Variants in ANO3 observed in about 807,000 individuals in gnomAD.
The protein encoded by ANO3 is anoctamin-3.
ANO3 carries 99 observed loss-of-function variants against 144.8 expected under a neutral mutation model. The observed-to-expected ratio is 0.68, with a 90% confidence interval of 0.58 to 0.81. The LOEUF is 0.81. Ranked by LOEUF, ANO3 falls within the 30% of genes least tolerant of loss-of-function variation. The probability of loss-of-function intolerance (pLI) is 0.00; values close to 1 mark genes in which losing one functional copy is unlikely to be tolerated. For synonymous variants in ANO3, 414 were observed against 392.6 expected (o/e 1.05, Z -0.64); for missense variants, 905 against 1,202.2 (o/e 0.75, Z 3.66).
intron 26 of ANO3, among the ~76,000 whole-genome samples, chr11:26,658,369 T>A (rs1044233229): frequency 6.6e-6 from 1 of 152,116 alleles, no homozygotes; most frequent in African/African-American, 2.4e-5. Context: ...ATCCCAGAAC[T>A]TTGGGAGGCC....
chr11:26,510,977 T>C (rs1042105149), intron 5 of ANO3, among the ~76,000 whole-genome samples: 11 of 152,322 alleles, frequency 7.2e-5, no homozygotes, highest in Admixed American at 6.5e-4. Context: ...CAGTGTCCAT[T>C]TGTCTACTCT....
chr11:26,498,973 T>C (rs1861081005), intron 4 of ANO3, among the ~76,000 whole-genome samples: 1 of 151,968 alleles, frequency 6.6e-6, no homozygotes, highest in East Asian at 1.9e-4. Context: ...TGTCATATTC[T>C]ATTGCATGAC....
intron 5 of ANO3, among the ~76,000 whole-genome samples, chr11:26,508,997 C>T (rs1488475080): frequency 6.6e-6 from 1 of 151,272 alleles, no homozygotes; most frequent in Non-Finnish European, 1.5e-5. Context: ...TGCTAGGTGC[C>T]CCTCAGTAAA....
intron 3 of ANO3, among the ~76,000 whole-genome samples, chr11:26,457,240 A>T (rs1328409528): frequency 5.4e-3 from 14 of 2,590 alleles, no homozygotes; most frequent in East Asian, 0.33. Context: ...AAAAGAAATA[A>T]AAAAAAAACC....
intron 1 of ANO3, among the ~76,000 whole-genome samples, chr11:26,258,140 T>C (rs1305809870): frequency 6.6e-6 from 1 of 152,098 alleles, no homozygotes; most frequent in Admixed American, 6.6e-5. Flanking sequence ...CAGAGTAAAA[T>C]TGAGGTATTC....
chr11:26,387,990 G>T (rs1167587771), intron 1 of ANO3, among the ~76,000 whole-genome samples: 2 of 150,820 alleles, frequency 1.3e-5, no homozygotes, highest in Non-Finnish European at 2.9e-5. Context: ...TCTAGTTCCA[G>T]ATTATGGTCA....
intron 22 of ANO3, among the ~76,000 whole-genome samples, chr11:26,642,687 C>G (rs1853206196): frequency 6.6e-6 from 1 of 152,142 alleles, no homozygotes; most frequent in African/African-American, 2.4e-5. Flanking sequence ...ACCTACCATT[C>G]TACTCACGCA....
At position 26,194,439 on chromosome 11, in the gene ANO3, G is replaced by GGTGT. The variant is rs1161631402; in HGVS notation, c.154+5154_154+5157dup. ...TTTTTCATCTTTGTGGGTACATAGT[G>GGTGT]GTGTGTGTGTGTGTGTGTGTGTGTG... On this transcript the variant is annotated intron_variant, in intron 1 of 27. Transcript: ENST00000672621. Among the ~76,000 whole-genome samples, 136 of 60,598 alleles carry GGTGT rather than the reference G, an allele frequency of 2.2e-3. 1 individual carries two copies. Among genetic ancestry groups the GGTGT allele is most frequent in the East Asian group, 8.9e-3 (28 of 3,160 alleles). The allele number at this position is 60,598 out of a possible 152,430, so 39.8% of individuals were successfully genotyped here.
chr11:26,468,169 A>G, intron 4 of ANO3, among the ~76,000 whole-genome samples: 1 of 151,912 alleles, frequency 6.6e-6, no homozygotes, highest in South Asian at 2.1e-4. Flanking sequence ...AATCTAGGTT[A>G]GCAGGAATAA....
At position 26,509,082 on chromosome 11, in the gene ANO3, T is replaced by C. The variant is rs28445502; in HGVS notation, c.591+820T>C. On this transcript the variant is annotated intron_variant, in intron 5 of 26. Coordinates refer to ENST00000256737, the MANE Select transcript of ANO3 (RefSeq NM_031418.4). ...ATATATATGTACGTATACATATATA[T>C]ACACACATCTATCTCTCTCTCTCTA... is the stretch of plus-strand genomic sequence containing the variant. Among the ~76,000 whole-genome samples, 13 of 111,438 alleles carry C rather than the reference T, an allele frequency of 1.2e-4. No homozygotes were observed. In the East Asian group the frequency reaches 2.8e-3, roughly 24 times the overall value. 73.1% of individuals were successfully genotyped at this position (111,438 alleles called of 152,430 possible).
At chr11:26,247,291 T>C (rs1025368959) in intron 1 of ANO3, among the ~76,000 whole-genome samples, 6 of 152,234 alleles carry the variant, frequency 3.9e-5, no homozygotes, top group African/African-American at 1.4e-4. Flanking sequence ...GTACTATCTT[T>C]TTTTCCAAGC....
chr11:26,300,794 G>A (rs1854210237), intron 1 of ANO3, among the ~76,000 whole-genome samples: 1 of 151,528 alleles, frequency 6.6e-6, no homozygotes, highest in South Asian at 2.1e-4. Flanking sequence ...ATTCTTGTTA[G>A]GATAATGTCA....
intron 1 of ANO3, among the ~76,000 whole-genome samples, chr11:26,412,826 G>GTGTGTGTGTT (rs1157559353): frequency 6.6e-6 from 1 of 151,222 alleles, no homozygotes; most frequent in Non-Finnish European, 1.5e-5. Context: ...GTGTGTGTGT[G>GTGTGTGTGTT]TGTATGTATG....
At chr11:26,210,705 T>C (rs1238330982) in intron 1 of ANO3, among the ~76,000 whole-genome samples, 58 of 152,158 alleles carry the variant, frequency 3.8e-4, no homozygotes, top group Admixed American at 3.8e-3. Flanking sequence ...CCACATCCCT[T>C]GTAAGTTGTA....
chr11:26,333,678 A>G (rs1386889460), intron 1 of ANO3, among the ~76,000 whole-genome samples: 4 of 152,190 alleles, frequency 2.6e-5, no homozygotes, highest in Non-Finnish European at 4.4e-5. Context: ...GGACTGACTG[A>G]GTTTCCAGTT....
At chr11:26,652,667 C>A (rs974835960) in intron 24 of ANO3, among the ~76,000 whole-genome samples, 28 of 152,324 alleles carry the variant, frequency 1.8e-4, no homozygotes, top group Admixed American at 1.8e-3. Context: ...CCTCCCTTGT[C>A]CTGGCTGCCT....
chr11:26,558,104 A>G (rs1850142657), intron 13 of ANO3, among the ~76,000 whole-genome samples: 1 of 152,200 alleles, frequency 6.6e-6, no homozygotes, highest in Non-Finnish European at 1.5e-5. Context: ...AAATTTATTG[A>G]CTTAAAATGC....
At chr11:26,352,215 A>C (rs1455060224) in intron 1 of ANO3, among the ~76,000 whole-genome samples, 1 of 152,134 alleles carries the variant, frequency 6.6e-6, no homozygotes, top group Admixed American at 6.6e-5. Context: ...CTACCCAAGA[A>C]CTCATTTCTT....
At chr11:26,358,646 G>T (rs1855848845) in intron 1 of ANO3, among the ~76,000 whole-genome samples, 1 of 152,030 alleles carries the variant, frequency 6.6e-6, no homozygotes, top group African/African-American at 2.4e-5. Context: ...ATATGTGGGT[G>T]TACAGTTTTC....
Sources: gnomAD v4.1 joint callset for allele counts (sites outside exome capture counted in the v4.1 genomes callset) on GRCh38, gnomAD v4.1.1 for gene constraint, MANE v1.5 for transcripts, NCBI Gene and HGNC (gene_info 2026-07-23, HGNC 2026-07-21) for gene names.